Variants in ENKD1 observed in about 807,000 individuals in gnomAD.
The protein encoded by ENKD1 is enkurin domain-containing protein 1.
A neutral mutation model predicts 35.8 loss-of-function variants in ENKD1; 39 were observed. The ratio of observed to expected loss-of-function variants is 1.09; its 90% CI spans 0.84 to 1.42. The LOEUF is 1.42. Ranked by LOEUF, ENKD1 falls within the 40% of genes most tolerant of loss-of-function variation. The pLI is 0.00. For synonymous variants in ENKD1, 205 were observed against 198.6 expected (o/e 1.03, Z -0.27); for missense variants, 474 against 471.3 (o/e 1.01, Z -0.05).
intron 3 of ENKD1, chr16:67,664,412 C>T (rs1162062282): frequency 1.5e-5 from 6 of 393,632 alleles, no homozygotes; most frequent in African/African-American, 6.2e-5. Context: ...TCAACCTGAT[C>T]GTCAATAACT....
intron 3 of ENKD1, 144 bp from the exon 4 acceptor site, chr16:67,664,206 C>G (rs1393376045): frequency 1.3e-6 from 1 of 747,076 alleles, no homozygotes; most frequent in Middle Eastern, 2.3e-4. Context: ...TTGTCCTCAT[C>G]AGCACACAAA....
At chr16:67,665,204 G>C (rs1431016106) in intron 2 of ENKD1, 36 bp from the exon 3 acceptor site, 2 of 1,593,390 alleles carry the variant, frequency 1.3e-6, no homozygotes, top group Non-Finnish European at 1.7e-6. Flanking sequence ...TGCCCTACAT[G>C]GGGCCCACAC....
intron 2 of ENKD1, among the ~76,000 whole-genome samples, chr16:67,665,536 A>G (rs536120888): frequency 1.4e-4 from 22 of 152,042 alleles, no homozygotes; most frequent in Admixed American, 5.2e-4. Flanking sequence ...TGATTTTTGT[A>G]TTTTTTGTAG....
At chr16:67,665,271 C>T (rs1455539848) in intron 2 of ENKD1, 103 bp from the exon 3 acceptor site, 17 of 1,316,970 alleles carry the variant, frequency 1.3e-5, no homozygotes, top group Non-Finnish European at 1.8e-5. Flanking sequence ...ACAGAAAGAG[C>T]TCCCTGACCT....
chr16:67,664,833 A>T, intron 3 of ENKD1, 163 bp downstream of exon 3: 1 of 792,490 alleles, frequency 1.3e-6, no homozygotes, highest in Non-Finnish European at 1.9e-6. Context: ...CCCCACCATC[A>T]CTACTTCTGA....
In ENKD1 at chr16:67,666,275, G is replaced by A; in HGVS notation, c.86-10C>T. 2 of 1,599,736 alleles carry A rather than the reference G, an allele frequency of 1.3e-6. No homozygotes were observed. The highest frequency in any genetic ancestry group is 1.7e-6 in the Non-Finnish European group (2 of 1,174,488). On this transcript the variant is annotated splice_polypyrimidine_tract_variant and intron_variant, in intron 1 of 6. Coordinates refer to ENST00000243878, the MANE Select transcript of ENKD1 (RefSeq NM_032140.3). ...TCGAGGCGCCCTTGAGCTGTGGGGC[G>A]GAGCCGGGCGGAGTCCGGGGCTCAG... is the stretch of plus-strand genomic sequence containing the variant.
Position 67,665,195 on chromosome 16 carries a change from G to T in ENKD1, c.281-27C>A, listed in dbSNP as rs774803626. On this transcript the variant is annotated intron_variant, in intron 2 of 6. Coordinates refer to ENST00000243878, the MANE Select transcript of ENKD1 (RefSeq NM_032140.3). ...TGGAGAAAAGATGCCCCCAGGTTCTGCCCTACATGGGGCCCACACAGTCCA... is the reference window on the plus strand; with the variant it reads ...TGGAGAAAAGATGCCCCCAGGTTCTTCCCTACATGGGGCCCACACAGTCCA... 4 of 1,598,452 alleles carry T rather than the reference G, an allele frequency of 2.5e-6. No homozygotes were observed. The African/African-American group carries it at 5.4e-5, about 22-fold the overall frequency.
chr16:67,662,999 C>T lies in ENKD1; in HGVS notation c.*162G>A. 1 of 785,398 alleles carries T rather than the reference C, an allele frequency of 1.3e-6. No homozygotes were observed. Among genetic ancestry groups the T allele is most frequent in the East Asian group, 2.7e-5 (1 of 36,850 alleles). The allele number at this position is 785,398 out of a possible 1,614,324, so 48.7% of individuals were successfully genotyped here. ...AAGCAGTTAAAAGGCTAGGGTGGCCCTTCTGCAGCCACTGGTGACTGGGAA... is the reference window on the plus strand; with the variant it reads ...AAGCAGTTAAAAGGCTAGGGTGGCCTTTCTGCAGCCACTGGTGACTGGGAA... On this transcript the variant is annotated 3_prime_UTR_variant, in exon 7 of 7. Transcript: ENST00000243878. This position sits in a 1 kb window ranked among gnomAD's most constrained non-coding sequence, Gnocchi z 6.9.
At position 67,665,006 on chromosome 16, in the gene ENKD1, G is replaced by C; in HGVS notation, c.443C>G (p.Ala148Gly). The C allele has an allele frequency of 6.2e-7, 1 of 1,603,240 alleles. No individual in the cohort carries two copies. Among genetic ancestry groups the C allele is most frequent in the Non-Finnish European group, 8.5e-7 (1 of 1,175,078 alleles). ...CCCTGAAGCAGGTACCTGGAGCTGGGCCTTGACCCGGGACTCCACCTTGTC... is the reference window on the plus strand; with the variant it reads ...CCCTGAAGCAGGTACCTGGAGCTGGCCCTTGACCCGGGACTCCACCTTGTC... ...KYDKVESRVKAQLQEPGPASG... is the reference protein window; with the variant it reads ...KYDKVESRVKGQLQEPGPASG... The change falls in exon 3 of 7, where the codon GCC becomes GGC. Residue 148 changes from alanine to glycine, a missense_variant. By Grantham distance (60) the Ala-to-Gly change is moderately conservative. Transcript: ENST00000243878.
intron 2 of ENKD1, among the ~76,000 whole-genome samples, chr16:67,665,829 C>T (rs1331072359): frequency 6.6e-6 from 1 of 152,228 alleles, no homozygotes; most frequent in Non-Finnish European, 1.5e-5. Flanking sequence ...ACAGTAGGCA[C>T]TCAACAAACA....
chr16:67,663,578 G>A (rs2053060389), intron 5 of ENKD1, 22 bp from the exon 6 acceptor site: 1 of 1,608,352 alleles, frequency 6.2e-7, no homozygotes, highest in East Asian at 2.2e-5. Context: ...CAGGCTCAGA[G>A]TTGATGACCC....
chr16:67,666,321 C>A, intron 1 of ENKD1, 37 bp downstream of exon 1: 1 of 1,590,964 alleles, frequency 6.3e-7, no homozygotes, highest in South Asian at 1.1e-5. Flanking sequence ...AGGGCCGACC[C>A]CTGAGCCTCG....
In ENKD1 at chr16:67,666,641, C is replaced by A; in HGVS notation, c.-199G>T. On this transcript the variant is annotated 5_prime_UTR_variant, in exon 1 of 7. Coordinates refer to ENST00000243878, the MANE Select transcript of ENKD1 (RefSeq NM_032140.3). ...ACCTCCGCGACCTCTGCTCCCAGCC[C>A]ACTTCTCGGTCCCGCTCGCGGCCTC... 1.9e-6 allele frequency: 1 copy of A among 532,502 alleles called. No individual in the cohort carries two copies. The highest frequency in any genetic ancestry group is 3.2e-6 in the Non-Finnish European group (1 of 313,472). 33.0% of individuals were successfully genotyped at this position (532,502 alleles called of 1,614,324 possible).
Position 67,664,015 on chromosome 16 carries a change from C to G in ENKD1, c.501G>C (p.Ala167=). Residue 167 remains alanine (A), a synonymous_variant, in exon 4 of 7, where the codon GCG becomes GCC. Transcript: ENST00000243878. ...SGTESAHFLR[A]HSRCGPGLPP... ...GGAGGCCAGGGCCGCAGCGGGAGTG[C>G]GCCCGCAGGAAGTGGGCAGACTCTG... is the stretch of plus-strand genomic sequence containing the variant. 1 of 1,569,694 alleles carries G rather than the reference C, an allele frequency of 6.4e-7. No homozygotes were observed. Among genetic ancestry groups the G allele is most frequent in the Non-Finnish European group, 8.6e-7 (1 of 1,156,672 alleles).
chr16:67,666,075 G>T lies in ENKD1; in HGVS notation c.276C>A (p.Leu92=). The T allele has an allele frequency of 6.2e-7, 1 of 1,612,448 alleles. No homozygotes were observed. Among genetic ancestry groups the T allele is most frequent in the South Asian group, 1.1e-5 (1 of 91,068 alleles). The part of the protein sequence containing the change: ...EGISLGPGAS[L]KRKDPKDHEK... ...TCTTCCATTCCTGGGACTTACTCTT[G>T]AGAGAGGCCCCAGGACCTAGGGAGA... is the stretch of plus-strand genomic sequence containing the variant. Residue 92 remains leucine, a synonymous_variant, in exon 2 of 7, where the codon CTC becomes CTA. Transcript: ENST00000243878.
At chr16:67,663,872 C>T (rs1422387351) in intron 4 of ENKD1, 52 bp from the exon 5 acceptor site, 2 of 1,602,714 alleles carry the variant, frequency 1.2e-6, no homozygotes, top group Non-Finnish European at 1.7e-6. Context: ...TGTTGTGTCC[C>T]TGAACACCCC....
chr16:67,664,863 C>T (rs2142985892), intron 3 of ENKD1, 133 bp downstream of exon 3: 2 of 1,201,796 alleles, frequency 1.7e-6, no homozygotes, highest in Non-Finnish European at 2.3e-6. Context: ...CAGCCTCGCC[C>T]TGCAGCAGAG....
rs1411340696 is a variant in ENKD1 at position 67,663,973 on chromosome 16, A to C, written c.543T>G (p.Ser181=). The change falls in exon 4 of 7, where the codon TCT becomes TCG. Residue 181 remains serine (S), a synonymous_variant. Transcript: ENST00000243878. The part of the protein sequence containing the change: ...CGPGLPPPHV[S]SPQPTPPGPE... ...GACCTGGTGGGGTTGGCTGGGGACTAGATACATGGGGTGGTGGGAGGCCAG... is the reference window on the plus strand; with the variant it reads ...GACCTGGTGGGGTTGGCTGGGGACTCGATACATGGGGTGGTGGGAGGCCAG... The C allele has an allele frequency of 6.3e-7, 1 of 1,599,620 alleles. No homozygotes were observed. Among genetic ancestry groups the C allele is most frequent in the East Asian group, 2.3e-5 (1 of 44,402 alleles).
In ENKD1 at chr16:67,664,989, C is replaced by A; in HGVS notation, c.453+7G>T. The A allele has an allele frequency of 6.3e-7, 1 of 1,593,074 alleles. No homozygotes were observed. The highest frequency in any genetic ancestry group is 8.5e-7 in the Non-Finnish European group (1 of 1,169,678). On this transcript the variant is annotated splice_region_variant and intron_variant, in intron 3 of 6. Transcript: ENST00000243878. Reference sequence around the variant, plus strand: ...GGATAATACTTCTGGCTCCCTGAAGCAGGTACCTGGAGCTGGGCCTTGACC... The same window carrying A: ...GGATAATACTTCTGGCTCCCTGAAGAAGGTACCTGGAGCTGGGCCTTGACC...
Sources: gnomAD v4.1 joint callset for allele counts (sites outside exome capture counted in the v4.1 genomes callset) on GRCh38, gnomAD v4.1.1 for gene constraint, Gnocchi (gnomAD v3.1) non-coding constraint, MANE v1.5 for transcripts, NCBI Gene and HGNC (gene_info 2026-07-23, HGNC 2026-07-21) for gene names.